Variants in BRI3 observed in about 807,000 individuals in gnomAD.
BRI3 encodes the protein membrane protein BRI3.
BRI3 carries 6 observed loss-of-function variants against 12.8 expected under a neutral mutation model. That is an observed-to-expected ratio of 0.47 (90% CI 0.26 to 0.93). The LOEUF (loss-of-function observed/expected upper bound fraction) is 0.93, where lower values mean the gene tolerates loss of function less well. Ranked by LOEUF, BRI3 falls within the 40% of genes least tolerant of loss-of-function variation. The pLI, the probability that BRI3 is intolerant of heterozygous loss-of-function variation, is 0.15. For synonymous variants in BRI3, 91 were observed against 76.1 expected, an observed-to-expected ratio of 1.20 and a Z score of -1.02; for missense variants, 134 against 171.1, an observed-to-expected ratio of 0.78 and a Z score of 1.21.
At chr7:98,307,528 A>G (rs180775627) in exon 2 of BRI3, 419 of 1,452,092 alleles carry the variant, frequency 2.9e-4, no homozygotes, top group Middle Eastern at 2.0e-3. Flanking sequence ...TACAGAAAAT[A>G]GCCTGGGATC....
intron 2 of BRI3, among the ~76,000 whole-genome samples, chr7:98,288,230 C>G (rs949068957): frequency 2.0e-5 from 3 of 152,216 alleles, no homozygotes; most frequent in Admixed American, 6.5e-5. Context: ...TGGCTCCCTC[C>G]AGCTCCCCCG....
chr7:98,304,706 C>T (rs974945914), upstream of BRI3, among the ~76,000 whole-genome samples: 1 of 151,892 alleles, frequency 6.6e-6, no homozygotes, highest in Non-Finnish European at 1.5e-5. Context: ...CGCCAGTGTG[C>T]CCAGCTAATT....
At chr7:98,312,149 G>A, downstream of BRI3, 3 of 1,613,992 alleles carry the variant, frequency 1.9e-6, no homozygotes, top group African/African-American at 1.3e-5. Flanking sequence ...AGACACGGGG[G>A]TAGAGGCTGG....
downstream of BRI3, chr7:98,292,690 A>G: frequency 6.4e-7 from 1 of 1,551,618 alleles, no homozygotes. Flanking sequence ...TCTGTACCTG[A>G]TTCAAACACG....
chr7:98,292,646 A>C, downstream of BRI3: 1 of 1,551,618 alleles, frequency 6.4e-7, no homozygotes, highest in Middle Eastern at 1.7e-4. Context: ...CAGGCACCAG[A>C]GGTCATCCTG....
upstream of BRI3, among the ~76,000 whole-genome samples, chr7:98,302,272 C>G (rs1423101222): frequency 2.6e-5 from 4 of 152,188 alleles, no homozygotes; most frequent in African/African-American, 7.2e-5. Context: ...CTGACAATGA[C>G]ACGTTTTCAT....
the BRI3 span, among the ~76,000 whole-genome samples, chr7:98,316,960 T>C: frequency 4.4e-4 from 50 of 114,888 alleles, no homozygotes; most frequent in South Asian, 5.7e-3. Flanking sequence ...GCCTCCCAAG[T>C]TCAAGCAATT....
chr7:98,319,165 C>G, the BRI3 span, among the ~76,000 whole-genome samples: 1 of 152,032 alleles, frequency 6.6e-6, no homozygotes, highest in Non-Finnish European at 1.5e-5. Flanking sequence ...ACATGGGGGT[C>G]TGGGTGAGCA....
downstream of BRI3, among the ~76,000 whole-genome samples, chr7:98,313,387 G>T (rs1044657571): frequency 6.6e-5 from 10 of 152,102 alleles, no homozygotes; most frequent in Admixed American, 4.6e-4. Context: ...CTGATAACTG[G>T]AGCTCCCTGA....
At chr7:98,305,043 TTTTG>T (rs1375325502), upstream of BRI3, among the ~76,000 whole-genome samples, 6 of 123,618 alleles carry the variant, frequency 4.9e-5, no homozygotes, top group African/African-American at 2.3e-4. Flanking sequence ...TTTTTTTGTT[TTTTG>T]TTTTTTTTTT....
chr7:98,315,625 A>ATACT, the BRI3 span: 4 of 1,130,960 alleles, frequency 3.5e-6, no homozygotes, highest in South Asian at 2.7e-5. Context: ...AAAAAAAAAA[A>ATACT]AATAATAATA....
intron 2 of BRI3, among the ~76,000 whole-genome samples, chr7:98,287,718 T>A (rs115514045): frequency 2.2e-3 from 338 of 152,328 alleles, no homozygotes; most frequent in African/African-American, 7.9e-3. Flanking sequence ...GCGCTGCTGC[T>A]CTTGGACTTG....
At chr7:98,315,535 T>C in the BRI3 span, 1 of 1,523,154 alleles carries the variant, frequency 6.6e-7, no homozygotes, top group Non-Finnish European at 8.9e-7. Flanking sequence ...GCCTCTTCTC[T>C]TCAAGCAGAG....
intron 1 of BRI3, among the ~76,000 whole-genome samples, 190 bp downstream of exon 1, chr7:98,282,127 C>A (rs987830459): frequency 1.3e-5 from 2 of 152,206 alleles, no homozygotes; most frequent in East Asian, 3.9e-4. Context: ...TCGGGCCCGT[C>A]GTAACCCGGC....
rs1326185641 is a variant in BRI3 at position 98,288,968 on chromosome 7, CTTTTTTT to C, written c.246-2140_246-2134del. Among the ~76,000 whole-genome samples, 18 of 150,988 alleles carry C rather than the reference CTTTTTTT, an allele frequency of 1.2e-4. 1 individual carries two copies. The South Asian group carries it at 2.5e-3, about 21-fold the overall frequency. The stretch of plus-strand genomic sequence containing the variant: ...TGGGCATGAAGTTTTTTTCTTTTTT[CTTTTTTT>C]TTGAGACGGAGTTTTGCTCTTGTTG... On this transcript the variant is annotated intron_variant, in intron 2 of 2. Coordinates refer to ENST00000297290, the MANE Select transcript of BRI3 (RefSeq NM_015379.5).
At chr7:98,302,177 G>T (rs736753), upstream of BRI3, among the ~76,000 whole-genome samples, 61,139 of 152,050 alleles carry the variant, frequency 0.4, 13,406 homozygotes, top group Middle Eastern at 0.54. Flanking sequence ...TTACAACCAG[G>T]CTTCTTCCAT....
At chr7:98,294,009 T>TC, downstream of BRI3, 2 of 1,564,872 alleles carry the variant, frequency 1.3e-6, no homozygotes. Flanking sequence ...CGAAGGCCCT[T>TC]CCGGGGGACA....
chr7:98,306,697 T>A, intron 1 of BRI3: 2 of 903,378 alleles, frequency 2.2e-6, no homozygotes, highest in South Asian at 1.8e-5. Context: ...CACTGAACAA[T>A]GTGTATTGTT....
In BRI3 at chr7:98,282,405, G is replaced by T; in HGVS notation, c.197G>T (p.Arg66Leu). The change falls in exon 2 of 3, where the codon CGC becomes CTC. Residue 66 changes from arginine (R) to leucine (L), a missense_variant. Transcript: ENST00000297290. ...VYNIHSRTVTRYPANSIVVVG... is the reference protein window; with the variant it reads ...VYNIHSRTVTLYPANSIVVVG... ...AACATCCACAGCCGGACCGTCACCC[G>T]CTATCCTGCCAACTCTATCGTGGTC... 6.2e-7 allele frequency: 1 copy of T among 1,614,016 alleles called. No individual in the cohort carries two copies. The highest frequency in any genetic ancestry group is 8.5e-7 in the Non-Finnish European group (1 of 1,179,982).
Sources: gnomAD v4.1 joint callset for allele counts (sites outside exome capture counted in the v4.1 genomes callset) on GRCh38, gnomAD v4.1.1 for gene constraint, MANE v1.5 for transcripts, NCBI Gene and HGNC (gene_info 2026-07-23, HGNC 2026-07-21) for gene names.